The following SCGB2B2 variants were observed in gnomAD, a reference collection of about 807,000 sequenced individuals.
SCGB2B2 encodes secretoglobin family 2B member 2.
Under a neutral mutation model 7.6 loss-of-function variants are expected in SCGB2B2, and 11 were observed. The ratio of observed to expected loss-of-function variants is 1.45; its 90% CI spans 0.91 to 2.40. SCGB2B2 has a LOEUF of 2.40. Among genes scored for constraint, SCGB2B2 ranks in the 30% most tolerant of loss-of-function variants. SCGB2B2 has a pLI of 0.00. For synonymous variants in SCGB2B2, 50 were observed against 48.6 expected, an observed-to-expected ratio of 1.03 and a Z score of -0.12; for missense variants, 104 against 115.4, an observed-to-expected ratio of 0.90 and a Z score of 0.45.
rs903653601 is a variant in SCGB2B2 at position 34,634,817 on chromosome 19, G to C, written c.-2031-38223C>G. On this transcript the variant is annotated intron_variant, in intron 1 of 3. Transcript: ENST00000601241. Reference sequence around the variant, plus strand: ...GTTGAACAAGTATAGATTTAACGCTGAAGGCTTTCCCACATTCGCTGCACA... The same window carrying C: ...GTTGAACAAGTATAGATTTAACGCTCAAGGCTTTCCCACATTCGCTGCACA... 6 of 237,622 alleles carry C rather than the reference G, an allele frequency of 2.5e-5. No individual in the cohort carries two copies. The East Asian group carries it at 6.7e-4, about 26-fold the overall frequency. The allele number at this position is 237,622 out of a possible 1,614,324, so 14.7% of individuals were successfully genotyped here.
Position 34,669,629 on chromosome 19 carries a change from GC to G in SCGB2B2, c.-2032+6000del, listed in dbSNP as rs975907981. Among the ~76,000 whole-genome samples the G allele has an allele frequency of 1.1e-3, 155 of 147,478 alleles. 2 individuals carry two copies. Among genetic ancestry groups the G allele is most frequent in the African/African-American group, 3.8e-3 (151 of 39,454 alleles). ...CAACACCCAACCCATCCCACTGCAT[GC>G]TGAGCTTAGTTCCTGATACACTGTC... On this transcript the variant is annotated intron_variant, in intron 1 of 3. Coordinates refer to ENST00000601241, the MANE Select transcript of SCGB2B2 (RefSeq NM_001025591.4).
chr19:34,603,481 C>T (rs2065688177), intron 1 of SCGB2B2, among the ~76,000 whole-genome samples: 1 of 152,184 alleles, frequency 6.6e-6, no homozygotes, highest in African/African-American at 2.4e-5. Flanking sequence ...CACTCACTGC[C>T]CTCCCAATTC....
intron 1 of SCGB2B2, among the ~76,000 whole-genome samples, chr19:34,615,302 G>A (rs2066040727): frequency 6.6e-6 from 1 of 152,172 alleles, no homozygotes; most frequent in Non-Finnish European, 1.5e-5. Context: ...AAATACTCCA[G>A]TGGTGAGGTC....
chr19:34,596,781 G>C (rs1161646778), intron 1 of SCGB2B2, among the ~76,000 whole-genome samples, 187 bp from the exon 2 acceptor site: 1 of 151,998 alleles, frequency 6.6e-6, no homozygotes, highest in Admixed American at 6.5e-5. Flanking sequence ...CAGCTGAAAG[G>C]TGTGGGCTCC....
intron 1 of SCGB2B2, among the ~76,000 whole-genome samples, chr19:34,612,570 A>G (rs2065962729): frequency 6.6e-6 from 1 of 152,226 alleles, no homozygotes; most frequent in Admixed American, 6.5e-5. Context: ...TTGTGCTATC[A>G]AATACTAAAC....
intron 1 of SCGB2B2, chr19:34,634,789 G>A (rs2066629568): frequency 1.0e-5 from 2 of 197,678 alleles, no homozygotes; most frequent in South Asian, 1.2e-4. Flanking sequence ...TGGACTCTCA[G>A]GTGTTGAACA....
At chr19:34,596,749 G>C (rs995059307) in intron 1 of SCGB2B2, among the ~76,000 whole-genome samples, 155 bp from the exon 2 acceptor site, 1 of 152,054 alleles carries the variant, frequency 6.6e-6, no homozygotes, top group Non-Finnish European at 1.5e-5. Flanking sequence ...GCTTCGTCCT[G>C]GGGACAGAGG....
chr19:34,590,405 T>C (rs201493609), downstream of SCGB2B2, among the ~76,000 whole-genome samples: 1 of 127,048 alleles, frequency 7.9e-6, no homozygotes, highest in East Asian at 2.5e-4. Flanking sequence ...ATTCATCCAT[T>C]CATCCATCCA....
At chr19:34,640,438 T>G (rs1471755709) in intron 1 of SCGB2B2, 1 of 152,198 alleles carries the variant, frequency 6.6e-6, no homozygotes, top group African/African-American at 2.4e-5. Context: ...ATTTTGATCA[T>G]GTTGGGGACT....
At chr19:34,630,303 A>C (rs935135516) in intron 1 of SCGB2B2, among the ~76,000 whole-genome samples, 7 of 151,974 alleles carry the variant, frequency 4.6e-5, no homozygotes, top group African/African-American at 1.4e-4. Context: ...CAGCAAAAGA[A>C]ACTACCATCA....
intron 1 of SCGB2B2, among the ~76,000 whole-genome samples, chr19:34,602,410 C>T (rs2065651667): frequency 6.6e-6 from 1 of 152,034 alleles, no homozygotes; most frequent in African/African-American, 2.4e-5. Flanking sequence ...AGGATTATAC[C>T]AGCCTCATTA....
At position 34,607,354 on chromosome 19, in the gene SCGB2B2, TC is replaced by T. The variant is rs1231875598; in HGVS notation, c.-2031-10761del. The stretch of plus-strand genomic sequence containing the variant: ...TATATATCACATTTTCTTTATCCAT[TC>T]ATCCATTGACAGGCATTTAGGTTGT... On this transcript the variant is annotated intron_variant, in intron 1 of 3. Transcript: ENST00000601241. Among the ~76,000 whole-genome samples, 89 of 152,200 alleles carry T rather than the reference TC, an allele frequency of 5.8e-4. 1 individual carries two copies. Among genetic ancestry groups the T allele is most frequent in the Non-Finnish European group, 7.3e-5 (5 of 68,046 alleles).
rs2067638644 is a variant in SCGB2B2, at chr19:34,666,802, C to G, written c.-2032+8828G>C. 2.0e-5 allele frequency among the ~76,000 whole-genome samples: 3 copies of G among 152,118 alleles called. No individual in the cohort carries two copies. The South Asian group carries it at 6.2e-4, about 32-fold the overall frequency. The stretch of plus-strand genomic sequence containing the variant: ...TGCTGCTGTTGCTCGTGGGTAGGCC[C>G]TGCCAGGAGACCCTGGGCTGCGCTG... On this transcript the variant is annotated intron_variant, in intron 1 of 3. Transcript: ENST00000601241.
chr19:34,649,020 A>C (rs1389827390), intron 1 of SCGB2B2, among the ~76,000 whole-genome samples: 1 of 152,172 alleles, frequency 6.6e-6, no homozygotes, highest in Non-Finnish European at 1.5e-5. Context: ...CTCCTGCCTC[A>C]GCCTCCCAAG....
chr19:34,616,782 T>C (rs528562428), intron 1 of SCGB2B2, among the ~76,000 whole-genome samples: 72 of 151,672 alleles, frequency 4.7e-4, no homozygotes, highest in African/African-American at 1.7e-3. Flanking sequence ...CTGAATGGTA[T>C]TGCCTAGGTT....
At chr19:34,629,802 C>T (rs2066477294) in intron 1 of SCGB2B2, among the ~76,000 whole-genome samples, 1 of 151,994 alleles carries the variant, frequency 6.6e-6, no homozygotes, top group South Asian at 2.1e-4. Context: ...GCCCACATTG[C>T]CAAGTCAATC....
intron 1 of SCGB2B2, among the ~76,000 whole-genome samples, chr19:34,664,911 C>T (rs988287752): frequency 7.3e-5 from 11 of 151,014 alleles, no homozygotes; most frequent in African/African-American, 2.4e-4. Context: ...ACATGCATTT[C>T]TAACAGAAAC....
At chr19:34,618,835 A>G (rs1435975193) in intron 1 of SCGB2B2, among the ~76,000 whole-genome samples, 1 of 152,234 alleles carries the variant, frequency 6.6e-6, no homozygotes, top group Non-Finnish European at 1.5e-5. Flanking sequence ...TCTCAGGATG[A>G]GGATAGAGCT....
intron 1 of SCGB2B2, among the ~76,000 whole-genome samples, chr19:34,611,984 C>A (rs1020745183): frequency 1.8e-5 from 2 of 113,018 alleles, no homozygotes; most frequent in African/African-American, 6.6e-5. Flanking sequence ...TTTATTAACT[C>A]ATTGTTGAAT....
Sources: allele counts gnomAD v4.1 joint callset (sites outside exome capture counted in the v4.1 genomes callset), GRCh38; gene constraint gnomAD v4.1.1; transcripts MANE v1.5; gene names NCBI Gene and HGNC (gene_info 2026-07-23, HGNC 2026-07-21).